RAD51B: variants seen among roughly 807,000 people sequenced by gnomAD.
RAD51B encodes RAD51 paralog B.
Under a neutral mutation model 42.2 loss-of-function variants are expected in RAD51B, and 38 were observed. That is an observed-to-expected ratio of 0.90 (90% CI 0.70 to 1.18). RAD51B has a LOEUF of 1.18. RAD51B is among the 50% of genes most tolerant of loss of function. The pLI, the probability that RAD51B is intolerant of heterozygous loss-of-function variation, is 0.00. For missense variants in RAD51B, 373 were observed against 400.7 expected (o/e 0.93, Z 0.59); for synonymous variants, 154 against 145.2 (o/e 1.06, Z -0.43).
chr14:68,156,491 C>CTCTCTG (rs1555365456), intron 7 of RAD51B, among the ~76,000 whole-genome samples: 7 of 151,250 alleles, frequency 4.6e-5, no homozygotes, highest in African/African-American at 1.7e-4. Context: ...CTCTCTCTCT[C>CTCTCTG]TCTCTGCCTT....
intron 7 of RAD51B, among the ~76,000 whole-genome samples, chr14:68,112,811 G>A (rs955509991): frequency 6.6e-6 from 1 of 152,098 alleles, no homozygotes; most frequent in Non-Finnish European, 1.5e-5. Flanking sequence ...CAATTAGTGA[G>A]ACTTCACTAT....
downstream of RAD51B, among the ~76,000 whole-genome samples, chr14:68,612,059 A>G (rs1891699547): frequency 6.6e-6 from 1 of 152,070 alleles, no homozygotes; most frequent in African/African-American, 2.4e-5. Context: ...AATAGCCAAA[A>G]TGGACATTTT....
chr14:68,472,005 T>C (rs2086139550), intron 10 of RAD51B: 1 of 152,346 alleles, frequency 6.6e-6, no homozygotes, highest in South Asian at 2.1e-4. Context: ...AATCCATTTT[T>C]CCTTTGGTCC....
At position 68,654,174 on chromosome 14, in the gene RAD51B, T is replaced by C. The variant is rs150517317; in HGVS notation, c.*11+3318T>C. ...CAGAAGGGGCAGGATTTGAAAGCTCTTTCTGAGGCAGAACGTGCAGGATAT... is the reference window on the plus strand; with the variant it reads ...CAGAAGGGGCAGGATTTGAAAGCTCCTTCTGAGGCAGAACGTGCAGGATAT... On this transcript the variant is annotated intron_variant, in intron 11 of 11. Transcript: ENST00000488612. 3.5e-3 allele frequency among the ~76,000 whole-genome samples: 527 copies of C among 152,360 alleles called. 2 individuals are homozygous for C. The highest frequency in any genetic ancestry group is 0.012 in the African/African-American group (498 of 41,580).
intron 7 of RAD51B, among the ~76,000 whole-genome samples, chr14:68,022,921 C>T (rs2075890630): frequency 6.6e-6 from 1 of 152,106 alleles, no homozygotes; most frequent in Non-Finnish European, 1.5e-5. Flanking sequence ...TTTGTTTCTG[C>T]ATTAATTTGC....
intron 7 of RAD51B, among the ~76,000 whole-genome samples, chr14:68,072,006 A>G (rs1381143071): frequency 7.3e-6 from 1 of 137,930 alleles, no homozygotes; most frequent in Non-Finnish European, 1.5e-5. Context: ...GTTTCCAGGA[A>G]TTTACCCATT....
intron 7 of RAD51B, among the ~76,000 whole-genome samples, chr14:67,996,088 T>G (rs568290440): frequency 1.6e-4 from 25 of 151,766 alleles, no homozygotes; most frequent in African/African-American, 5.8e-4. Context: ...AGTTGCAATT[T>G]TAAAAATGGT....
At chr14:68,065,189 G>A (rs2076630095) in intron 7 of RAD51B, among the ~76,000 whole-genome samples, 1 of 152,132 alleles carries the variant, frequency 6.6e-6, no homozygotes, top group Admixed American at 6.5e-5. Flanking sequence ...TGAAGGGGTA[G>A]CATAGTGTAG....
At chr14:68,144,301 T>C (rs1268177592) in intron 7 of RAD51B, among the ~76,000 whole-genome samples, 3 of 152,212 alleles carry the variant, frequency 2.0e-5, no homozygotes, top group African/African-American at 7.2e-5. Flanking sequence ...TCTGCATATG[T>C]CTCATATTGG....
intron 10 of RAD51B, among the ~76,000 whole-genome samples, chr14:68,624,224 G>C (rs954024965): frequency 2.6e-5 from 4 of 152,198 alleles, no homozygotes; most frequent in African/African-American, 9.7e-5. Context: ...GTAGAACCAA[G>C]GGCTGTGGTC....
chr14:68,474,614 G>A (rs1882401166), intron 10 of RAD51B, among the ~76,000 whole-genome samples: 2 of 152,156 alleles, frequency 1.3e-5, no homozygotes, highest in Non-Finnish European at 2.9e-5. Flanking sequence ...CTCAGCCTGG[G>A]CTCCTAAGAT....
At chr14:67,822,265 T>G (rs1447201333) in intron 1 of RAD51B, 6 of 152,202 alleles carry the variant, frequency 3.9e-5, no homozygotes, top group Admixed American at 3.9e-4. Context: ...ATTAAGAGAC[T>G]CACAGTAATT....
intron 10 of RAD51B, among the ~76,000 whole-genome samples, chr14:68,492,726 T>C (rs1045648295): frequency 1.4e-4 from 21 of 152,312 alleles, no homozygotes; most frequent in Admixed American, 4.6e-4. Context: ...TGATAGGCAG[T>C]GTCTGTGCCT....
chr14:67,893,421 A>G (rs1178891347), intron 7 of RAD51B, among the ~76,000 whole-genome samples: 4 of 150,650 alleles, frequency 2.7e-5, no homozygotes, highest in African/African-American at 9.8e-5. Flanking sequence ...TAGAGACCAG[A>G]CTGTGCAACA....
intron 7 of RAD51B, among the ~76,000 whole-genome samples, chr14:67,913,557 C>T (rs570539762): frequency 1.3e-5 from 2 of 152,110 alleles, no homozygotes; most frequent in African/African-American, 2.4e-5. Flanking sequence ...ACAGTGGTAC[C>T]AAATTAGTAA....
intron 7 of RAD51B, among the ~76,000 whole-genome samples, chr14:67,999,844 G>T (rs764417406): frequency 4.6e-5 from 7 of 152,110 alleles, no homozygotes; most frequent in Non-Finnish European, 8.8e-5. Flanking sequence ...GTGGAGTAGG[G>T]TTTTGATATG....
chr14:68,634,479 C>T (rs530047491), intron 10 of RAD51B, among the ~76,000 whole-genome samples: 3 of 152,178 alleles, frequency 2.0e-5, no homozygotes, highest in South Asian at 2.1e-4. Context: ...CTCAAAAGCC[C>T]GTCGCCTTTG....
intron 7 of RAD51B, among the ~76,000 whole-genome samples, chr14:68,043,865 G>T (rs1249746673): frequency 1.3e-5 from 2 of 152,232 alleles, no homozygotes; most frequent in African/African-American, 4.8e-5. Flanking sequence ...GAGGGCTAAA[G>T]TTATGTGAAG....
At chr14:68,593,192 A>G (rs1443124135) in intron 10 of RAD51B, among the ~76,000 whole-genome samples, 2 of 152,346 alleles carry the variant, frequency 1.3e-5, no homozygotes, top group Middle Eastern at 3.4e-3. Flanking sequence ...CAGATCTTCC[A>G]TTCTTTAGCT....
Sources: allele counts gnomAD v4.1 joint callset (sites outside exome capture counted in the v4.1 genomes callset), GRCh38; gene constraint gnomAD v4.1.1; transcripts MANE v1.5; gene names NCBI Gene and HGNC (gene_info 2026-07-23, HGNC 2026-07-21).